Variants in SLC2A13 observed in about 807,000 individuals in gnomAD.
SLC2A13 encodes proton myo-inositol cotransporter.
A neutral mutation model predicts 64.4 loss-of-function variants in SLC2A13; 32 were observed. The ratio of observed to expected loss-of-function variants is 0.50; its 90% CI spans 0.37 to 0.67. The LOEUF is 0.67. Among genes scored for constraint, SLC2A13 ranks in the 30% least tolerant of loss-of-function variants. The pLI is 0.00. For synonymous variants in SLC2A13, 338 were observed against 327.1 expected (o/e 1.03, Z -0.36); for missense variants, 743 against 829.2 (o/e 0.90, Z 1.28).
At chr12:39,847,184 G>A (rs751358339) in intron 6 of SLC2A13, among the ~76,000 whole-genome samples, 1 of 152,126 alleles carries the variant, frequency 6.6e-6, no homozygotes, top group Non-Finnish European at 1.5e-5. Context: ...CCATTGATTT[G>A]TACTTCCTGC....
At chr12:39,861,865 GT>G (rs145198845) in intron 6 of SLC2A13, among the ~76,000 whole-genome samples, 2,788 of 151,578 alleles carry the variant, frequency 0.018, 86 homozygotes, top group African/African-American at 0.063. Flanking sequence ...TCTAAAAGGT[GT>G]TTTTTTTTAA....
At chr12:40,070,557 A>G (rs983603740) in intron 1 of SLC2A13, among the ~76,000 whole-genome samples, 1 of 152,132 alleles carries the variant, frequency 6.6e-6, no homozygotes, top group African/African-American at 2.4e-5. Context: ...TCTATCCCCA[A>G]TCAACTCAAT....
At chr12:40,048,623 T>G (rs1002132329) in intron 1 of SLC2A13, among the ~76,000 whole-genome samples, 1 of 152,166 alleles carries the variant, frequency 6.6e-6, no homozygotes, top group East Asian at 1.9e-4. Flanking sequence ...AGGATACATA[T>G]TAACTATTCA....
chr12:39,854,426 G>C (rs1189643973), intron 6 of SLC2A13, among the ~76,000 whole-genome samples: 4 of 152,200 alleles, frequency 2.6e-5, no homozygotes, highest in East Asian at 3.9e-4. Flanking sequence ...TATTGGCTGG[G>C]GCCACATAAT....
chr12:39,939,963 T>G (rs751398448), intron 4 of SLC2A13, among the ~76,000 whole-genome samples: 5 of 152,074 alleles, frequency 3.3e-5, no homozygotes, highest in Non-Finnish European at 5.9e-5. Flanking sequence ...ATGCCCAGAG[T>G]CCCATGGTGG....
chr12:40,082,713 C>T (rs557160224), intron 1 of SLC2A13, among the ~76,000 whole-genome samples: 1 of 152,336 alleles, frequency 6.6e-6, no homozygotes, highest in South Asian at 2.1e-4. Context: ...CCACGCCAGA[C>T]CCCTGGGGAT....
At chr12:39,956,377 T>C (rs953847209) in intron 3 of SLC2A13, among the ~76,000 whole-genome samples, 5 of 152,154 alleles carry the variant, frequency 3.3e-5, no homozygotes, top group African/African-American at 9.7e-5. Flanking sequence ...GTTGTGGTAA[T>C]GGTTTCATGG....
intron 3 of SLC2A13, among the ~76,000 whole-genome samples, chr12:39,970,552 T>G (rs915240467): frequency 2.6e-5 from 4 of 152,206 alleles, no homozygotes; most frequent in African/African-American, 7.2e-5. Context: ...CTTTATGAGA[T>G]TCTTCTCTTC....
intron 6 of SLC2A13, among the ~76,000 whole-genome samples, chr12:39,854,257 A>T (rs1306007880): frequency 6.6e-6 from 1 of 152,202 alleles, no homozygotes; most frequent in South Asian, 2.1e-4. Context: ...AATAATAATA[A>T]TAACAGTATC....
At chr12:39,768,399 T>G (rs1261892209) in intron 7 of SLC2A13, among the ~76,000 whole-genome samples, 1 of 152,128 alleles carries the variant, frequency 6.6e-6, no homozygotes, top group Non-Finnish European at 1.5e-5. Context: ...TCTTTTGTAG[T>G]CACAATTTGG....
intron 4 of SLC2A13, among the ~76,000 whole-genome samples, chr12:39,901,528 A>G (rs1164541252): frequency 2.6e-4 from 35 of 134,168 alleles, no homozygotes; most frequent in Admixed American, 1.7e-3. Context: ...AAAAGTGGGC[A>G]AAGGACATGA....
At chr12:39,894,271 CT>C (rs1219388728) in intron 4 of SLC2A13, among the ~76,000 whole-genome samples, 1 of 152,142 alleles carries the variant, frequency 6.6e-6, no homozygotes, top group African/African-American at 2.4e-5. Context: ...TTTTATTTGG[CT>C]TTATGTTGCT....
At chr12:39,877,807 C>T (rs987775394) in intron 4 of SLC2A13, among the ~76,000 whole-genome samples, 5 of 152,142 alleles carry the variant, frequency 3.3e-5, no homozygotes, top group African/African-American at 1.2e-4. Flanking sequence ...AAAAATACAT[C>T]ATATTTTCCA....
chr12:39,851,268 A>G (rs1444846716), intron 6 of SLC2A13, among the ~76,000 whole-genome samples: 1 of 152,210 alleles, frequency 6.6e-6, no homozygotes, highest in African/African-American at 2.4e-5. Context: ...AAATGGACAA[A>G]TTAGAAAAAC....
intron 4 of SLC2A13, among the ~76,000 whole-genome samples, chr12:39,876,781 C>T (rs1190430745): frequency 6.6e-6 from 1 of 152,004 alleles, no homozygotes; most frequent in Non-Finnish European, 1.5e-5. Context: ...ACGTTAATTT[C>T]ATAAATAAAA....
intron 3 of SLC2A13, among the ~76,000 whole-genome samples, chr12:39,997,853 C>G (rs1947258289): frequency 6.6e-6 from 1 of 151,918 alleles, no homozygotes; most frequent in African/African-American, 2.4e-5. Flanking sequence ...TTGCCATAAT[C>G]AAAAAATTAA....
chr12:40,024,984 G>A (rs1259577429), intron 3 of SLC2A13, among the ~76,000 whole-genome samples: 4 of 152,196 alleles, frequency 2.6e-5, no homozygotes, highest in South Asian at 2.1e-4. Flanking sequence ...AAACCAAGCT[G>A]TTGTTTCTGC....
intron 4 of SLC2A13, among the ~76,000 whole-genome samples, chr12:39,946,865 T>C (rs1274864457): frequency 1.3e-5 from 2 of 152,216 alleles, no homozygotes; most frequent in East Asian, 1.9e-4. Context: ...TCCTCCCTTA[T>C]GGCCAGGAGG....
Position 39,896,491 on chromosome 12 carries a change from T to C in SLC2A13, c.1035-24530A>G, listed in dbSNP as rs772952649. 1.4e-4 allele frequency among the ~76,000 whole-genome samples: 21 copies of C among 148,212 alleles called. 1 individual carries two copies. Among genetic ancestry groups the C allele is most frequent in the East Asian group, 4.1e-4 (2 of 4,916 alleles). On this transcript the variant is annotated intron_variant, in intron 4 of 9. Coordinates refer to ENST00000280871, the MANE Select transcript of SLC2A13 (RefSeq NM_052885.4). Reference sequence around the variant, plus strand: ...ACATATATGTATATGTGTATATATGTACACATATATGTATGTACATGTGTG... The same window carrying C: ...ACATATATGTATATGTGTATATATGCACACATATATGTATGTACATGTGTG...
Sources: gnomAD v4.1 joint callset for allele counts (sites outside exome capture counted in the v4.1 genomes callset) on GRCh38, gnomAD v4.1.1 for gene constraint, MANE v1.5 for transcripts, NCBI Gene and HGNC (gene_info 2026-07-23, HGNC 2026-07-21) for gene names.